The following CC2D2A variants were observed in gnomAD, a reference collection of about 807,000 sequenced individuals.
CC2D2A encodes the protein coiled-coil and C2 domain-containing protein 2A.
CC2D2A carries 155 observed loss-of-function variants against 212.9 expected under a neutral mutation model. The ratio of observed to expected loss-of-function variants is 0.73; its 90% CI spans 0.64 to 0.83. The LOEUF (loss-of-function observed/expected upper bound fraction) is 0.83, where lower values mean the gene tolerates loss of function less well. Among genes scored for constraint, CC2D2A ranks in the 40% least tolerant of loss-of-function variants. CC2D2A has a pLI of 0.00. For synonymous variants in CC2D2A, 667 were observed against 686.5 expected, an observed-to-expected ratio of 0.97 and a Z score of 0.44; for missense variants, 1,856 against 1,956.2, an observed-to-expected ratio of 0.95 and a Z score of 0.97.
intron 10 of CC2D2A, 122 bp from the exon 11 acceptor site, chr4:15,516,503 G>C (rs962201336): frequency 1.1e-6 from 1 of 879,054 alleles, no homozygotes; most frequent in Non-Finnish European, 1.7e-6. Context: ...AGTTCTGTTG[G>C]GGGAGGAAGT....
rs1179086907 is a variant in CC2D2A at position 15,553,015 on chromosome 4, G to A, written c.2339-143G>A. The A allele has an allele frequency of 4.8e-6, 3 of 622,192 alleles. No homozygotes were observed. In the African/African-American group the frequency reaches 5.8e-5, roughly 12 times the overall value. The allele number at this position is 622,192 out of a possible 1,614,324, so 38.5% of individuals were successfully genotyped here. On this transcript the variant is annotated intron_variant, in intron 18 of 36. Transcript: ENST00000424120. The stretch of plus-strand genomic sequence containing the variant: ...CAGCATCATCACCTGAAGAAATTCA[G>A]TGACACTGGCTTGAATCATGTGCTC...
chr4:15,557,652 T>C lies in CC2D2A; in HGVS notation c.2829+145T>C, dbSNP rs1207130799. 9.4e-6 allele frequency: 5 copies of C among 533,128 alleles called. No homozygotes were observed. The Admixed American group carries it at 1.8e-4, about 19-fold the overall frequency. 33.0% of individuals were successfully genotyped at this position (533,128 alleles called of 1,614,324 possible). ...TTATTTCACTTTTATACATAACCTT[T>C]CCATGCTTTTTCTTGAATTCACCAT... On this transcript the variant is annotated intron_variant, in intron 21 of 36. Transcript: ENST00000424120.
At chr4:15,472,702 T>G (rs1477750625) in intron 1 of CC2D2A, among the ~76,000 whole-genome samples, 1 of 151,880 alleles carries the variant, frequency 6.6e-6, no homozygotes, top group Non-Finnish European at 1.5e-5. Flanking sequence ...AGAGCTCTCA[T>G]GTACTTTTGC....
rs1715066695 is a variant in CC2D2A at position 15,487,576 on chromosome 4, C to A, written c.247+6749C>A. On this transcript the variant is annotated intron_variant, in intron 4 of 36. Coordinates refer to ENST00000424120, the MANE Select transcript of CC2D2A (RefSeq NM_001378615.1). Reference sequence around the variant, plus strand: ...TCTTATAGGTAGCATATAATTGGCTCTTTTTTTCAATCTTTTTCATCCGTT... The same window carrying A: ...TCTTATAGGTAGCATATAATTGGCTATTTTTTTCAATCTTTTTCATCCGTT... Among the ~76,000 whole-genome samples, 7 of 151,972 alleles carry A rather than the reference C, an allele frequency of 4.6e-5. No homozygotes were observed. The South Asian group carries it at 1.5e-3, about 32-fold the overall frequency.
chr4:15,517,103 T>A (rs867109012), intron 11 of CC2D2A, among the ~76,000 whole-genome samples: 16 of 151,996 alleles, frequency 1.1e-4, no homozygotes, highest in Middle Eastern at 3.4e-3. Flanking sequence ...GCCCGCCACC[T>A]CGCCCGGCTA....
chr4:15,532,714 C>A (rs547094998), intron 13 of CC2D2A, among the ~76,000 whole-genome samples: 1 of 152,304 alleles, frequency 6.6e-6, no homozygotes, highest in African/African-American at 2.4e-5. Flanking sequence ...CTCTTCAGAT[C>A]AAGCCAAAAA....
At chr4:15,599,368 G>C (rs1046861416) in intron 35 of CC2D2A, among the ~76,000 whole-genome samples, 161 bp from the exon 36 acceptor site, 1 of 151,872 alleles carries the variant, frequency 6.6e-6, no homozygotes, top group Non-Finnish European at 1.5e-5. Flanking sequence ...GAATCCCCAG[G>C]GAGTAGCCCA....
rs587779732 is a variant in CC2D2A at position 15,596,177 on chromosome 4, C to A, written c.4407C>A (p.Ser1469Arg). 5.8e-6 allele frequency: 9 copies of A among 1,547,426 alleles called. No individual in the cohort carries two copies. The highest frequency in any genetic ancestry group is 7.9e-6 in the Non-Finnish European group (9 of 1,144,904). The change falls in exon 34 of 37, where the codon AGC becomes AGA. Residue 1469 changes from serine (S) to arginine (R), a missense_variant. Transcript: ENST00000424120. ...TATGGAAATCTTTCTTTTCAAGAAG[C>A]CTTCCATATCCTGGCCTTTCCAGTG... ...PKLWKSFFSR[S>R]LPYPGLSSVQ...
At chr4:15,525,412 TTTAA>T (rs1257558446) in intron 11 of CC2D2A, among the ~76,000 whole-genome samples, 4 of 152,228 alleles carry the variant, frequency 2.6e-5, no homozygotes, top group Non-Finnish European at 5.9e-5. Flanking sequence ...GGTGGAAATT[TTTAA>T]TTAATCCAGG....
intron 1 of CC2D2A, among the ~76,000 whole-genome samples, chr4:15,472,847 T>C (rs892364129): frequency 6.6e-6 from 1 of 152,210 alleles, no homozygotes; most frequent in Non-Finnish European, 1.5e-5. Flanking sequence ...GACAATAGAA[T>C]TTCAGATGCT....
chr4:15,496,166 T>C lies in CC2D2A; in HGVS notation c.248-6263T>C, dbSNP rs148993366. Among the ~76,000 whole-genome samples, 1,512 of 152,302 alleles carry C rather than the reference T, an allele frequency of 9.9e-3. 20 individuals are homozygous for C. The highest frequency in any genetic ancestry group is 0.032 in the South Asian group (156 of 4,828). The stretch of plus-strand genomic sequence containing the variant: ...AGTTGCATAGTTTGCAAATATTTTC[T>C]CCCATTCTGTAGGTTGTCTGTTTGC... On this transcript the variant is annotated intron_variant, in intron 4 of 36. Coordinates refer to ENST00000424120, the MANE Select transcript of CC2D2A (RefSeq NM_001378615.1).
At chr4:15,502,339 G>T (rs1021568541) in intron 4 of CC2D2A, 90 bp from the exon 5 acceptor site, 28 of 980,506 alleles carry the variant, frequency 2.9e-5, no homozygotes, top group Non-Finnish European at 4.0e-5. Context: ...CTTCCCTTTT[G>T]GGGGGAGGGA....
intron 17 of CC2D2A, among the ~76,000 whole-genome samples, chr4:15,544,549 A>G (rs1718613729): frequency 6.6e-6 from 1 of 152,114 alleles, no homozygotes; most frequent in African/African-American, 2.4e-5. Context: ...GACAGGAGAG[A>G]AGGCAAGAAG....
chr4:15,514,741 A>G lies in CC2D2A; in HGVS notation c.752A>G (p.Glu251Gly). Residue 251 changes from glutamate to glycine, a missense_variant, in exon 9 of 37, where the codon GAG becomes GGG. Coordinates refer to ENST00000424120, the MANE Select transcript of CC2D2A (RefSeq NM_001378615.1). Reference sequence around the variant, plus strand: ...GAACTGCTTAATGGTGATGATGCCGAGGACTTCCTATTGGGCTTAGATCAC... The same window carrying G: ...GAACTGCTTAATGGTGATGATGCCGGGGACTTCCTATTGGGCTTAGATCAC... ...EEELLNGDDAEDFLLGLDHVA... is the reference protein window; with the variant it reads ...EEELLNGDDAGDFLLGLDHVA... 6.2e-7 allele frequency: 1 copy of G among 1,604,246 alleles called. No homozygotes were observed. Among genetic ancestry groups the G allele is most frequent in the Non-Finnish European group, 8.5e-7 (1 of 1,172,764 alleles).
chr4:15,581,501 C>T (rs1720663756), intron 30 of CC2D2A, among the ~76,000 whole-genome samples: 1 of 152,160 alleles, frequency 6.6e-6, no homozygotes. Flanking sequence ...TCAATGACCA[C>T]AAGGCTGTGG....
At position 15,569,275 on chromosome 4, in the gene CC2D2A, T is replaced by G; in HGVS notation, c.3399-18T>G. 1 of 1,444,516 alleles carries G rather than the reference T, an allele frequency of 6.9e-7. No individual in the cohort carries two copies. Among genetic ancestry groups the G allele is most frequent in the Non-Finnish European group, 9.6e-7 (1 of 1,045,434 alleles). The allele number at this position is 1,444,516 out of a possible 1,614,324, so 89.5% of individuals were successfully genotyped here. On this transcript the variant is annotated intron_variant, in intron 26 of 36. Transcript: ENST00000424120. ...TGTTGCCTATTTTCACAGTCCCTGG[T>G]CATGTGCTGTCTTGCAGGGCTCCTA...
intron 8 of CC2D2A, among the ~76,000 whole-genome samples, chr4:15,512,980 A>ACTTCATGTTATAT (rs1294842876): frequency 6.6e-6 from 1 of 151,666 alleles, no homozygotes. Flanking sequence ...AAAATGGTGG[A>ACTTCATGTTATAT]CTTCATGTTA....
At chr4:15,523,972 G>GA (rs1192293588) in intron 11 of CC2D2A, among the ~76,000 whole-genome samples, 1 of 152,178 alleles carries the variant, frequency 6.6e-6, no homozygotes, top group Non-Finnish European at 1.5e-5. Context: ...CATGTTTCCA[G>GA]AAGACGGGAA....
intron 4 of CC2D2A, among the ~76,000 whole-genome samples, chr4:15,500,021 G>A (rs1715833302): frequency 6.6e-6 from 1 of 151,402 alleles, no homozygotes; most frequent in African/African-American, 2.4e-5. Context: ...GCATAACTGA[G>A]TAATTGTGTC....
Sources: allele counts gnomAD v4.1 joint callset (sites outside exome capture counted in the v4.1 genomes callset), GRCh38; gene constraint gnomAD v4.1.1; transcripts MANE v1.5; gene names NCBI Gene and HGNC (gene_info 2026-07-23, HGNC 2026-07-21).